The following CDK14 variants were observed in gnomAD, a reference collection of about 807,000 sequenced individuals.
CDK14 encodes cyclin-dependent kinase 14.
CDK14 carries 34 observed loss-of-function variants against 60.7 expected under a neutral mutation model. The observed-to-expected ratio is 0.56, with a 90% CI of 0.43 to 0.75. The LOEUF (loss-of-function observed/expected upper bound fraction) is 0.75, where lower values mean the gene tolerates loss of function less well. Ranked by LOEUF, CDK14 falls within the 30% of genes least tolerant of loss-of-function variation. CDK14 has a pLI of 0.00. For synonymous variants in CDK14, 197 were observed against 203.7 expected (o/e 0.97, Z 0.28); for missense variants, 482 against 564.1 (o/e 0.85, Z 1.47).
intron 5 of CDK14, among the ~76,000 whole-genome samples, chr7:90,852,274 G>T (rs1384357336): frequency 6.6e-6 from 1 of 152,106 alleles, no homozygotes; most frequent in Non-Finnish European, 1.5e-5. Flanking sequence ...TTTATTTTCA[G>T]AAAAAGTTGG....
intron 2 of CDK14, among the ~76,000 whole-genome samples, chr7:90,628,891 T>C (rs938777102): frequency 6.6e-6 from 1 of 151,596 alleles, no homozygotes; most frequent in African/African-American, 2.4e-5. Context: ...TTTGATGCAG[T>C]AGGTCTGAGA....
chr7:90,720,819 T>C (rs902162349), intron 2 of CDK14, among the ~76,000 whole-genome samples: 1 of 152,124 alleles, frequency 6.6e-6, no homozygotes, highest in Non-Finnish European at 1.5e-5. Flanking sequence ...TTGTAATCTT[T>C]ACAGGACCAC....
intron 14 of CDK14, among the ~76,000 whole-genome samples, chr7:91,158,205 T>C (rs967696649): frequency 4.7e-5 from 7 of 148,924 alleles, no homozygotes; most frequent in African/African-American, 1.7e-4. Flanking sequence ...TAATATATTA[T>C]ATGTTTGGCA....
chr7:90,776,108 CA>C (rs1040827791), intron 4 of CDK14, among the ~76,000 whole-genome samples: 3 of 152,104 alleles, frequency 2.0e-5, no homozygotes, highest in Non-Finnish European at 4.4e-5. Context: ...TATGTGTAAA[CA>C]ACTACTTTTT....
At chr7:91,050,280 G>A (rs1163248647) in intron 11 of CDK14, among the ~76,000 whole-genome samples, 1 of 152,150 alleles carries the variant, frequency 6.6e-6, no homozygotes, top group Non-Finnish European at 1.5e-5. Context: ...GGCCAGAGAA[G>A]AAGCAGGGGG....
intron 14 of CDK14, among the ~76,000 whole-genome samples, chr7:91,155,082 T>C (rs1379795860): frequency 6.6e-6 from 1 of 152,100 alleles, no homozygotes; most frequent in Non-Finnish European, 1.5e-5. Context: ...AGAAGTGAAC[T>C]ATTGACATGA....
chr7:90,836,654 AC>A (rs1225918785), intron 5 of CDK14, among the ~76,000 whole-genome samples: 4 of 152,192 alleles, frequency 2.6e-5, no homozygotes, highest in Admixed American at 2.6e-4. Context: ...GTATACATAA[AC>A]CAGTAACATA....
intron 14 of CDK14, among the ~76,000 whole-genome samples, chr7:91,184,601 G>A (rs1396279415): frequency 6.6e-6 from 1 of 152,212 alleles, no homozygotes; most frequent in Non-Finnish European, 1.5e-5. Flanking sequence ...GTGAGGACAA[G>A]AGGGAGCTTC....
chr7:91,201,553 A>G (rs1312855938), intron 14 of CDK14, among the ~76,000 whole-genome samples: 2 of 151,914 alleles, frequency 1.3e-5, no homozygotes, highest in Non-Finnish European at 2.9e-5. Context: ...AACAAAACAC[A>G]GTCAAACAAA....
At chr7:90,807,913 G>T (rs914857098) in intron 5 of CDK14, among the ~76,000 whole-genome samples, 7 of 152,072 alleles carry the variant, frequency 4.6e-5, no homozygotes, top group Non-Finnish European at 1.0e-4. Flanking sequence ...GAAGTTTAGA[G>T]AAAAAAGAAT....
intron 10 of CDK14, among the ~76,000 whole-genome samples, chr7:91,032,677 C>T (rs976511197): frequency 6.6e-6 from 1 of 152,274 alleles, no homozygotes; most frequent in South Asian, 2.1e-4. Flanking sequence ...CTCCCCTAAA[C>T]CCCCCAGAGG....
intron 10 of CDK14, among the ~76,000 whole-genome samples, chr7:91,007,766 T>G (rs1195230732): frequency 6.6e-6 from 1 of 151,360 alleles, no homozygotes; most frequent in Non-Finnish European, 1.5e-5. Context: ...TCAATAAAGA[T>G]AGTTTGTGAA....
intron 14 of CDK14, among the ~76,000 whole-genome samples, chr7:91,192,488 T>C (rs1335425252): frequency 6.6e-6 from 1 of 152,174 alleles, no homozygotes; most frequent in East Asian, 1.9e-4. Context: ...ATAAATTATC[T>C]TCAACTACTC....
At chr7:90,665,707 A>G (rs914912459) in intron 2 of CDK14, among the ~76,000 whole-genome samples, 2 of 152,174 alleles carry the variant, frequency 1.3e-5, no homozygotes, top group African/African-American at 2.4e-5. Flanking sequence ...TAGTGTATGT[A>G]ATACAGGAGA....
At chr7:90,669,388 G>A (rs1801054046) in intron 2 of CDK14, among the ~76,000 whole-genome samples, 2 of 152,290 alleles carry the variant, frequency 1.3e-5, no homozygotes, top group South Asian at 4.1e-4. Context: ...CTTGCTCAAG[G>A]AGTGGGCAAA....
At chr7:90,815,680 A>G (rs61016077) in intron 5 of CDK14, among the ~76,000 whole-genome samples, 11,180 of 152,320 alleles carry the variant, frequency 0.073, 516 homozygotes, top group South Asian at 0.11. Flanking sequence ...ATGCCCATCA[A>G]CGATAGACTG....
chr7:90,750,622 C>T (rs1803799998), intron 4 of CDK14, among the ~76,000 whole-genome samples: 1 of 152,176 alleles, frequency 6.6e-6, no homozygotes, highest in Non-Finnish European at 1.5e-5. Context: ...CTTGTAATCC[C>T]AGCACTTTGG....
At chr7:91,019,960 GATCA>G (rs1317010301) in intron 10 of CDK14, among the ~76,000 whole-genome samples, 66 of 152,328 alleles carry the variant, frequency 4.3e-4, no homozygotes, top group African/African-American at 1.4e-3. Context: ...CTCATGGATT[GATCA>G]AGGTTGGCTG....
chr7:90,679,731 T>G (rs1027935797), intron 2 of CDK14, among the ~76,000 whole-genome samples: 2 of 152,250 alleles, frequency 1.3e-5, no homozygotes, highest in Non-Finnish European at 2.9e-5. Flanking sequence ...AGTAGTTTAC[T>G]TTCTTAGCAA....
Sources: allele counts gnomAD v4.1 joint callset (sites outside exome capture counted in the v4.1 genomes callset), GRCh38; gene constraint gnomAD v4.1.1; transcripts MANE v1.5; gene names NCBI Gene and HGNC (gene_info 2026-07-23, HGNC 2026-07-21).